ARID1A: variants seen among roughly 807,000 people sequenced by gnomAD.
The protein encoded by ARID1A is AT-rich interaction domain 1A, also known as AT-rich interactive domain-containing protein 1A.
In ARID1A, 20 loss-of-function variants were observed where a neutral mutation model predicts 212.6. The ratio of observed to expected loss-of-function variants is 0.09; its 90% CI spans 0.07 to 0.14. The LOEUF is 0.14. ARID1A is among the 10% of genes least tolerant of loss of function. The pLI is 1.00. For missense variants in ARID1A, 2,587 were observed against 3,059.0 expected (o/e 0.85, Z 3.64); for synonymous variants, 1,376 against 1,222.1 (o/e 1.13, Z -2.63).
At position 26,772,645 on chromosome 1, in the gene ARID1A, G is replaced by C. The variant is rs1405264240; in HGVS notation, c.3539+13G>C. The C allele has an allele frequency of 4.3e-6, 7 of 1,614,238 alleles. No individual in the cohort carries two copies. In the South Asian group the frequency reaches 7.7e-5, roughly 18 times the overall value. ...TGCCAGGCATGAGGTAAGGCCAAGA[G>C]CAGGGGCAGATGGTTGGGAGGATGG... On this transcript the variant is annotated intron_variant, in intron 13 of 19. Transcript: ENST00000324856.
intron 4 of ARID1A, among the ~76,000 whole-genome samples, chr1:26,735,706 G>A (rs574868686): frequency 1.3e-5 from 2 of 152,316 alleles, no homozygotes; most frequent in East Asian, 3.9e-4. Flanking sequence ...CCAAGAATGT[G>A]CATTTCTAAC....
intron 4 of ARID1A, among the ~76,000 whole-genome samples, chr1:26,736,801 C>T (rs1249583101): frequency 2.0e-5 from 3 of 150,136 alleles, no homozygotes; most frequent in South Asian, 2.1e-4. Flanking sequence ...ACTCGGGAGG[C>T]TGAGGCAGGA....
chr1:26,701,673 T>C lies in ARID1A; in HGVS notation c.1137+4133T>C, dbSNP rs576105621. Among the ~76,000 whole-genome samples the C allele has an allele frequency of 2.6e-5, 4 of 152,346 alleles. No individual in the cohort carries two copies. In the South Asian group the frequency reaches 8.3e-4, roughly 32 times the overall value. On this transcript the variant is annotated intron_variant, in intron 1 of 19. Coordinates refer to ENST00000324856, the MANE Select transcript of ARID1A (RefSeq NM_006015.6). ...CTGTGCTTCCATAGCTGGCTTGTTA[T>C]GAAGGCAGCTTTCTGTACATAAATC...
At chr1:26,731,091 A>G (rs2080671595) in intron 2 of ARID1A, 61 bp from the exon 3 acceptor site, 4 of 1,525,046 alleles carry the variant, frequency 2.6e-6, no homozygotes, top group Non-Finnish European at 3.6e-6. Context: ...TTCTCACAAA[A>G]CACTTCATCT....
At chr1:26,755,098 C>T (rs916027022) in intron 4 of ARID1A, among the ~76,000 whole-genome samples, 6 of 152,064 alleles carry the variant, frequency 3.9e-5, no homozygotes, top group Non-Finnish European at 8.8e-5. Flanking sequence ...AACAGCCAGA[C>T]CCTGACTCAA....
chr1:26,739,758 C>G (rs957066128), intron 4 of ARID1A, among the ~76,000 whole-genome samples: 1 of 152,148 alleles, frequency 6.6e-6, no homozygotes, highest in Non-Finnish European at 1.5e-5. Flanking sequence ...ATCACTGGAT[C>G]CCTTCCTTTA....
chr1:26,700,296 G>A (rs531611516), intron 1 of ARID1A, among the ~76,000 whole-genome samples: 1 of 152,320 alleles, frequency 6.6e-6, no homozygotes, highest in African/African-American at 2.4e-5. Context: ...TCCTGGCGCA[G>A]TCTTAGATTA....
intron 1 of ARID1A, among the ~76,000 whole-genome samples, chr1:26,717,174 G>T (rs1327855266): frequency 6.6e-6 from 1 of 152,188 alleles, no homozygotes; most frequent in Non-Finnish European, 1.5e-5. Context: ...GGTGGTGCTT[G>T]AGACTTGGAC....
rs1234390108 is a variant in ARID1A, at chr1:26,779,004, C to T, written c.5125-19C>T. On this transcript the variant is annotated intron_variant, in intron 19 of 19. Coordinates refer to ENST00000324856, the MANE Select transcript of ARID1A (RefSeq NM_006015.6). ...CCACTTTTCTCCCTTAATTTATTTC[C>T]TGTTCTTTCTCTTTTTAGCTCCCAG... 1 of 1,497,168 alleles carries T rather than the reference C, an allele frequency of 6.7e-7. No homozygotes were observed. The highest frequency in any genetic ancestry group is 8.9e-7 in the Non-Finnish European group (1 of 1,122,908). The allele number at this position is 1,497,168 out of a possible 1,614,324, so 92.7% of individuals were successfully genotyped here. A position where few individuals can be genotyped will look rare whatever the true frequency, so the allele number is the denominator to read the frequency against.
chr1:26,716,203 C>CAAAAAA (rs111787612), intron 1 of ARID1A, among the ~76,000 whole-genome samples: 5 of 64,826 alleles, frequency 7.7e-5, no homozygotes, highest in African/African-American at 1.2e-4. Flanking sequence ...GATTCCGTCT[C>CAAAAAA]AAAAAAAAAA....
chr1:26,697,105 G>A lies in ARID1A; in HGVS notation c.702G>A (p.Pro234=), dbSNP rs753644260. Residue 234 remains proline (P), a synonymous_variant, in exon 1 of 20, where the codon CCG becomes CCA. Coordinates refer to ENST00000324856, the MANE Select transcript of ARID1A (RefSeq NM_006015.6). ...PPAPAYALSS[P]RGGTPGSGAA... is the part of the protein sequence containing the mutation. ...CCCCGGCCTACGCGCTGAGCTCCCC[G>A]AGAGGTGGCACTCCGGGCTCCGGCG... 7 of 1,461,662 alleles carry A rather than the reference G, an allele frequency of 4.8e-6. No individual in the cohort carries two copies. Among genetic ancestry groups the A allele is most frequent in the South Asian group, 4.3e-5 (3 of 70,556 alleles). 90.5% of individuals were successfully genotyped at this position (1,461,662 alleles called of 1,614,324 possible).
At chr1:26,778,892 A>G in intron 19 of ARID1A, 131 bp from the exon 20 acceptor site, 1 of 856,522 alleles carries the variant, frequency 1.2e-6, no homozygotes, top group South Asian at 2.5e-5. Context: ...CTCTGTGGAG[A>G]ACCTTTGGGA....
Position 26,761,102 on chromosome 1 carries a change from C to G in ARID1A, c.2161+6C>G, listed in dbSNP as rs556806108. ...CTCGCCTGCTGCAGTGCCAGGTACC[C>G]TCAAGTGCTGGGCTTTAGGGAGAGG... On this transcript the variant is annotated splice_donor_region_variant and intron_variant, in intron 5 of 19. Transcript: ENST00000324856. 2.6e-5 allele frequency: 42 copies of G among 1,613,846 alleles called. No homozygotes were observed. The highest frequency in any genetic ancestry group is 2.1e-4 in the African/African-American group (16 of 75,050).
chr1:26,776,072 C>T (rs1182278716), intron 19 of ARID1A: 4 of 366,682 alleles, frequency 1.1e-5, no homozygotes, highest in African/African-American at 4.3e-5. Context: ...GGTTCATGAA[C>T]TCCTGAGTTC....
chr1:26,741,768 C>T (rs1439562508), intron 4 of ARID1A, among the ~76,000 whole-genome samples: 1 of 152,200 alleles, frequency 6.6e-6, no homozygotes, highest in Non-Finnish European at 1.5e-5. Context: ...ATCAAATTAT[C>T]CCTTGAGTTT....
At chr1:26,745,596 C>G (rs1285377214) in intron 4 of ARID1A, among the ~76,000 whole-genome samples, 1 of 152,180 alleles carries the variant, frequency 6.6e-6, no homozygotes, top group African/African-American at 2.4e-5. Context: ...CCTCCCACCC[C>G]CAACTTTACA....
intron 4 of ARID1A, among the ~76,000 whole-genome samples, chr1:26,738,816 C>G (rs2124799801): frequency 6.6e-6 from 1 of 152,150 alleles, no homozygotes; most frequent in South Asian, 2.1e-4. Context: ...ACCTCAGCCT[C>G]CCAAAGTGCT....
At chr1:26,746,269 G>A (rs549905623) in intron 4 of ARID1A, among the ~76,000 whole-genome samples, 1 of 152,230 alleles carries the variant, frequency 6.6e-6, no homozygotes, top group East Asian at 1.9e-4. Context: ...AAACTAGAAT[G>A]TCCTGATATT....
At chr1:26,739,539 C>T (rs180796175) in intron 4 of ARID1A, among the ~76,000 whole-genome samples, 7 of 152,232 alleles carry the variant, frequency 4.6e-5, no homozygotes, top group Non-Finnish European at 8.8e-5. Context: ...GAAGCCACAG[C>T]GGTAACTAGA....
Sources: allele counts gnomAD v4.1 joint callset (sites outside exome capture counted in the v4.1 genomes callset), GRCh38; gene constraint gnomAD v4.1.1; transcripts MANE v1.5; gene names NCBI Gene and HGNC (gene_info 2026-07-23, HGNC 2026-07-21).